The following PPEF1 variants were observed in gnomAD, a reference collection of about 807,000 sequenced individuals.
PPEF1 encodes the protein serine/threonine-protein phosphatase with EF-hands 1.
A neutral mutation model predicts 53.3 loss-of-function variants in PPEF1; 12 were observed. The observed-to-expected ratio is 0.23, with a 90% CI of 0.14 to 0.36. The LOEUF (loss-of-function observed/expected upper bound fraction) is 0.36, where lower values mean the gene tolerates loss of function less well. PPEF1 is among the 10% of genes least tolerant of loss of function. The pLI is 1.00. For missense variants in PPEF1, 334 were observed against 490.4 expected, an observed-to-expected ratio of 0.68 and a Z score of 3.01; for synonymous variants, 165 against 176.7, an observed-to-expected ratio of 0.93 and a Z score of 0.52.
intron 1 of PPEF1, among the ~76,000 whole-genome samples, chrX:18,722,723 C>T (rs909324060): frequency 1.8e-5 from 2 of 111,745 alleles, no homozygotes; most frequent in South Asian, 7.5e-4. Flanking sequence ...ATGGAGATTA[C>T]ATTCTAGTGG....
intron 3 of PPEF1, among the ~76,000 whole-genome samples, chrX:18,737,051 T>C (rs886199565): frequency 6.3e-5 from 7 of 111,839 alleles, no homozygotes; most frequent in African/African-American, 2.3e-4. Flanking sequence ...TAGCAGTCTA[T>C]CAATTTTGTT....
chrX:18,734,723 G>A (rs761223241), intron 3 of PPEF1, among the ~76,000 whole-genome samples: 69 of 111,465 alleles, frequency 6.2e-4, no homozygotes, highest in Admixed American at 3.5e-3. Flanking sequence ...CACAATGGTT[G>A]AACTAGTTTA....
intron 4 of PPEF1, among the ~76,000 whole-genome samples, chrX:18,751,753 C>T (rs1018649270): frequency 8.9e-6 from 1 of 112,277 alleles, no homozygotes; most frequent in Non-Finnish European, 1.9e-5. Context: ...GCACCCTAGC[C>T]TGGGCGAGAA....
chrX:18,792,497 A>G (rs1484849690), intron 10 of PPEF1, among the ~76,000 whole-genome samples: 1 of 110,661 alleles, frequency 9.0e-6, no homozygotes, highest in Non-Finnish European at 1.9e-5. Context: ...GTTGACCTAA[A>G]GTTGTTTGTA....
At chrX:18,690,035 A>G (rs1929277353) in intron 3 of PPEF1, among the ~76,000 whole-genome samples, 2 of 111,150 alleles carry the variant, frequency 1.8e-5, no homozygotes, top group Admixed American at 1.9e-4. Context: ...CATAAAATGA[A>G]TACTTGTCCT....
chrX:18,684,713 A>G (rs777160862), exon 2 of PPEF1, among the ~76,000 whole-genome samples: 1 of 103,188 alleles, frequency 9.7e-6, no homozygotes, highest in East Asian at 3.0e-4. Context: ...TGCAACCTCC[A>G]CCTCCCGGGT....
Position 18,713,510 on chromosome X carries a change from A to G in PPEF1, c.46+5684A>G, listed in dbSNP as rs1030933421. ...AGTGCGTCCAGAAGAGCCATTTAAA[A>G]TTCTTTTTCTTCTTTTATCTCTTGT... On this transcript the variant is annotated intron_variant, in intron 1 of 15. Coordinates refer to ENST00000470157, the MANE Select transcript of PPEF1 (RefSeq NM_001377996.1). 3.8e-5 allele frequency among the ~76,000 whole-genome samples: 4 copies of G among 104,443 alleles called. 1 individual carries two copies. The highest frequency in any genetic ancestry group is 1.4e-4 in the African/African-American group (4 of 28,358). 90.7% of individuals were successfully genotyped at this position (104,443 alleles called of 115,157 possible).
chrX:18,714,524 G>A (rs1459857487), intron 1 of PPEF1, among the ~76,000 whole-genome samples: 1 of 111,666 alleles, frequency 9.0e-6, no homozygotes, highest in Non-Finnish European at 1.9e-5. Context: ...GCCCGCCTCG[G>A]CCTCCCAAAG....
chrX:18,728,423 A>C (rs1336968539), intron 1 of PPEF1, among the ~76,000 whole-genome samples: 2 of 110,586 alleles, frequency 1.8e-5, no homozygotes, highest in Non-Finnish European at 3.8e-5. Flanking sequence ...AAACTATCAG[A>C]TCTCATGAGA....
chrX:18,722,993 T>C (rs1386033779), intron 1 of PPEF1, among the ~76,000 whole-genome samples: 1 of 110,194 alleles, frequency 9.1e-6, no homozygotes, highest in Non-Finnish European at 1.9e-5. Context: ...TGTGAATTTT[T>C]TTTTTTTTTG....
chrX:18,729,084 C>T (rs974047005), intron 1 of PPEF1, among the ~76,000 whole-genome samples: 1 of 112,262 alleles, frequency 8.9e-6, no homozygotes, highest in Non-Finnish European at 1.9e-5. Context: ...AGTCCACAAA[C>T]AAGACAATAC....
intron 15 of PPEF1, among the ~76,000 whole-genome samples, chrX:18,826,079 G>C (rs747655011): frequency 3.6e-5 from 4 of 111,972 alleles, no homozygotes; most frequent in Admixed American, 9.5e-5. Flanking sequence ...GGTAGCAGTA[G>C]TAGAAAGCAA....
intron 5 of PPEF1, among the ~76,000 whole-genome samples, chrX:18,760,421 T>G (rs1413753377): frequency 9.0e-6 from 1 of 111,270 alleles, no homozygotes; most frequent in Non-Finnish European, 1.9e-5. Flanking sequence ...TGGAGTATAT[T>G]AAAAACACGG....
chrX:18,819,637 T>C (rs1215903698), intron 13 of PPEF1, among the ~76,000 whole-genome samples: 1 of 111,783 alleles, frequency 8.9e-6, no homozygotes, highest in Non-Finnish European at 1.9e-5. Flanking sequence ...GAGGTTGCAG[T>C]GACCCGAGAC....
intron 10 of PPEF1, among the ~76,000 whole-genome samples, chrX:18,798,634 T>C (rs1162844261): frequency 9.1e-6 from 1 of 110,424 alleles, no homozygotes; most frequent in Non-Finnish European, 1.9e-5. Flanking sequence ...GAGCACGGCT[T>C]TTTTTTTGAG....
In PPEF1 at chrX:18,789,108, A is replaced by G. The variant is rs775468207; in HGVS notation, c.913-13A>G. The G allele has an allele frequency of 5.8e-6, 7 of 1,208,773 alleles. No homozygotes were observed. The highest frequency in any genetic ancestry group is 1.8e-5 in the South Asian group (1 of 56,372). On this transcript the variant is annotated splice_polypyrimidine_tract_variant and intron_variant, in intron 9 of 15. Transcript: ENST00000470157. The stretch of plus-strand genomic sequence containing the variant: ...AGCAGAGGGTTGGACTAAAGCATGA[A>G]TTTGTTTTATAGATGAAATCTGTGC...
intron 1 of PPEF1, among the ~76,000 whole-genome samples, chrX:18,712,874 G>T (rs2044359392): frequency 8.9e-6 from 1 of 111,902 alleles, no homozygotes; most frequent in Admixed American, 9.6e-5. Flanking sequence ...AGATGATCTT[G>T]TGGTTTTTGT....
At chrX:18,765,108 T>C (rs1226726712) in intron 6 of PPEF1, among the ~76,000 whole-genome samples, 3 of 111,770 alleles carry the variant, frequency 2.7e-5, no homozygotes, top group Non-Finnish European at 5.6e-5. Context: ...GAAATGGAGA[T>C]TGCTAGCCCA....
rs1569262839 is a variant in PPEF1 at position 18,779,040 on chromosome X, G to A, written c.589G>A (p.Val197Ile). 3 of 1,201,373 alleles carry A rather than the reference G, an allele frequency of 2.5e-6. No individual in the cohort carries two copies. The South Asian group carries it at 5.3e-5, about 21-fold the overall frequency. ...TCTCCCCTCAGAGAGGAACCCGTATGTTTTTAATGGTGACTTTGTAGATCG... is the reference window on the plus strand; with the variant it reads ...TCTCCCCTCAGAGAGGAACCCGTATATTTTTAATGGTGACTTTGTAGATCG... ...NGLPSERNPY[V>I]FNGDFVDRGK... The change falls in exon 7 of 16, where the codon GTT becomes ATT. Residue 197 changes from valine (V) to isoleucine (I), a missense_variant. Coordinates refer to ENST00000470157, the MANE Select transcript of PPEF1 (RefSeq NM_001377996.1).
Sources: gnomAD v4.1 joint callset for allele counts (sites outside exome capture counted in the v4.1 genomes callset) on GRCh38, gnomAD v4.1.1 for gene constraint, MANE v1.5 for transcripts, NCBI Gene and HGNC (gene_info 2026-07-23, HGNC 2026-07-21) for gene names.